The following SLC14A2 variants were observed in gnomAD, a reference collection of about 807,000 sequenced individuals.
SLC14A2 encodes urea transporter 2.
SLC14A2 carries 91 observed loss-of-function variants against 104.6 expected under a neutral mutation model. That is an observed-to-expected ratio of 0.87 (90% CI 0.73 to 1.04). The LOEUF (loss-of-function observed/expected upper bound fraction) is 1.04. Ranked by LOEUF, SLC14A2 falls within the 50% of genes least tolerant of loss-of-function variation. The pLI is 0.00. For synonymous variants in SLC14A2, 476 were observed against 466.4 expected (o/e 1.02, Z -0.27); for missense variants, 1,189 against 1,156.0 (o/e 1.03, Z -0.41).
chr18:45,557,049 G>A (rs1165981356), intron 2 of SLC14A2, among the ~76,000 whole-genome samples: 4 of 152,236 alleles, frequency 2.6e-5, no homozygotes, highest in Admixed American at 2.6e-4. Context: ...TAGGGTAAGT[G>A]TTCAAGAAAG....
chr18:45,602,337 G>T (rs1171928937), intron 2 of SLC14A2, among the ~76,000 whole-genome samples: 1 of 152,192 alleles, frequency 6.6e-6, no homozygotes, highest in African/African-American at 2.4e-5. Context: ...TTGGATATCT[G>T]CCCTGGAGAG....
intron 1 of SLC14A2, among the ~76,000 whole-genome samples, chr18:45,358,011 G>A (rs1338919616): frequency 6.6e-6 from 1 of 152,160 alleles, no homozygotes; most frequent in Non-Finnish European, 1.5e-5. Context: ...TTCAGTTGAA[G>A]AAAAAAATTA....
chr18:45,381,766 A>T (rs1053015351), intron 1 of SLC14A2, among the ~76,000 whole-genome samples: 1 of 152,100 alleles, frequency 6.6e-6, no homozygotes, highest in Non-Finnish European at 1.5e-5. Context: ...GAGTGGCACC[A>T]GGTTTGAGAG....
chr18:45,362,273 A>C (rs951958132), intron 1 of SLC14A2, among the ~76,000 whole-genome samples: 6 of 152,234 alleles, frequency 3.9e-5, no homozygotes, highest in African/African-American at 1.4e-4. Flanking sequence ...TAAATTATGC[A>C]GTCTCAGGTA....
At chr18:45,333,346 A>G (rs1443892060) in intron 1 of SLC14A2, among the ~76,000 whole-genome samples, 4 of 152,200 alleles carry the variant, frequency 2.6e-5, no homozygotes, top group African/African-American at 9.6e-5. Context: ...TCCAAGAGTA[A>G]ATCTGTAGGA....
the SLC14A2 span, among the ~76,000 whole-genome samples, chr18:45,187,839 T>A: frequency 6.6e-6 from 1 of 152,346 alleles, no homozygotes; most frequent in East Asian, 1.9e-4. Context: ...AAAATGTTTA[T>A]CTTTGTGAAA....
In SLC14A2 at chr18:45,624,698, G is replaced by GAGCC. The variant is rs1234573000; in HGVS notation, c.36_39dup (p.Leu14AlafsTer36). 1.9e-6 allele frequency: 3 copies of GAGCC among 1,613,092 alleles called. No individual in the cohort carries two copies. Among genetic ancestry groups the GAGCC allele is most frequent in the Non-Finnish European group, 2.5e-6 (3 of 1,179,682 alleles). On this transcript the variant is annotated frameshift_variant, in exon 2 of 20. Coordinates refer to ENST00000255226, the MANE Select transcript of SLC14A2 (RefSeq NM_007163.4). LOFTEE classifies it high-confidence loss of function. The stretch of plus-strand genomic sequence containing the variant: ...CCCCCACAGCAGTCCTCTCCTGCCA[G>GAGCC]AGCCACTTTCCAGCAGATACAAACT...
chr18:45,336,081 G>A (rs2085335530), intron 1 of SLC14A2, among the ~76,000 whole-genome samples: 1 of 152,100 alleles, frequency 6.6e-6, no homozygotes, highest in Non-Finnish European at 1.5e-5. Flanking sequence ...GTTTTTGGCA[G>A]GTTTAGAAAG....
chr18:45,502,275 C>T (rs1337107731), intron 2 of SLC14A2, among the ~76,000 whole-genome samples: 1 of 152,166 alleles, frequency 6.6e-6, no homozygotes, highest in African/African-American at 2.4e-5. Flanking sequence ...GAGAAACTCT[C>T]GATAGTCTAT....
chr18:45,500,303 C>T (rs1022259422), intron 2 of SLC14A2, among the ~76,000 whole-genome samples: 3 of 151,798 alleles, frequency 2.0e-5, no homozygotes, highest in Admixed American at 6.6e-5. Flanking sequence ...TTAGGCCGGG[C>T]GCGGTGGCTC....
At chr18:45,306,895 A>AT (rs985146860) in intron 1 of SLC14A2, among the ~76,000 whole-genome samples, 4 of 152,104 alleles carry the variant, frequency 2.6e-5, no homozygotes, top group African/African-American at 9.7e-5. Context: ...ATCTGTTCTC[A>AT]TTTTTTTCTC....
intron 1 of SLC14A2, among the ~76,000 whole-genome samples, chr18:45,320,415 G>A (rs1227985874): frequency 6.6e-6 from 1 of 152,158 alleles, no homozygotes; most frequent in Admixed American, 6.5e-5. Flanking sequence ...TACATGGAAT[G>A]GTAAGAAAGA....
the SLC14A2 span, among the ~76,000 whole-genome samples, chr18:45,186,535 G>A: frequency 6.6e-6 from 1 of 152,158 alleles, no homozygotes; most frequent in African/African-American, 2.4e-5. Context: ...TTTAACTCAT[G>A]CACATAGACA....
Position 45,666,342 on chromosome 18 carries a change from T to C in SLC14A2, c.1557+123T>C, listed in dbSNP as rs187057153. On this transcript the variant is annotated intron_variant, in intron 12 of 19. Transcript: ENST00000255226. ...TAGGCAAACTTTTCTTGCATTCGTA[T>C]TTTCTGAAATGTAATTACCTGGGAC... 3.0e-3 allele frequency: 1,943 copies of C among 643,284 alleles called. 49 individuals carry two copies. In the Admixed American group the frequency reaches 0.047, roughly 16 times the overall value. The allele number at this position is 643,284 out of a possible 1,614,324, so 39.8% of individuals were successfully genotyped here. A position where few individuals can be genotyped will look rare whatever the true frequency, so the allele number is the denominator to read the frequency against.
intron 2 of SLC14A2, among the ~76,000 whole-genome samples, chr18:45,566,917 T>G (rs2044274366): frequency 6.6e-6 from 1 of 152,192 alleles, no homozygotes; most frequent in South Asian, 2.1e-4. Context: ...TTTAATGTAT[T>G]TTCAAGTAAC....
In SLC14A2 at chr18:45,480,275, A is replaced by G. The variant is rs560193136; in HGVS notation, c.-124-2958A>G. 3.9e-5 allele frequency among the ~76,000 whole-genome samples: 6 copies of G among 152,232 alleles called. No homozygotes were observed. In the East Asian group the frequency reaches 5.8e-4, roughly 15 times the overall value. ...GTCTAATCCCAGACAAGATTCTTCA[A>G]TTTCTTTTAGAGATCTTCAGTGTAT... On this transcript the variant is annotated intron_variant, in intron 1 of 20. Transcript: ENST00000586448.
intron 2 of SLC14A2, among the ~76,000 whole-genome samples, chr18:45,563,392 G>C (rs757544953): frequency 1.3e-5 from 2 of 152,158 alleles, no homozygotes; most frequent in African/African-American, 2.4e-5. Flanking sequence ...AATTTAGAAG[G>C]CCCTCTTGAA....
chr18:45,250,194 G>T (rs960713236), intron 1 of SLC14A2, among the ~76,000 whole-genome samples: 1 of 152,018 alleles, frequency 6.6e-6, no homozygotes, highest in Non-Finnish European at 1.5e-5. Context: ...TCAACAAAAG[G>T]CACTTAAAGC....
At chr18:45,450,341 G>A (rs2086838056) in intron 1 of SLC14A2, among the ~76,000 whole-genome samples, 1 of 152,214 alleles carries the variant, frequency 6.6e-6, no homozygotes, top group Non-Finnish European at 1.5e-5. Context: ...CTAAAGGGAA[G>A]GGGCCTTTGG....
Sources: allele counts gnomAD v4.1 joint callset (sites outside exome capture counted in the v4.1 genomes callset), GRCh38; gene constraint gnomAD v4.1.1; transcripts MANE v1.5; gene names NCBI Gene and HGNC (gene_info 2026-07-23, HGNC 2026-07-21).